SORCS1: variants seen among roughly 807,000 people sequenced by gnomAD.
SORCS1 encodes VPS10 domain-containing receptor SorCS1.
In SORCS1, 60 loss-of-function variants were observed where a neutral mutation model predicts 146.1. The ratio of observed to expected loss-of-function variants is 0.41; its 90% CI spans 0.33 to 0.51. The LOEUF (loss-of-function observed/expected upper bound fraction) is 0.51. Ranked by LOEUF, SORCS1 falls within the 20% of genes least tolerant of loss-of-function variation. The pLI, the probability that SORCS1 is intolerant of heterozygous loss-of-function variation, is 0.21. For missense variants in SORCS1, 1,352 were observed against 1,487.6 expected, an observed-to-expected ratio of 0.91 and a Z score of 1.50; for synonymous variants, 637 against 584.0, an observed-to-expected ratio of 1.09 and a Z score of -1.31.
At chr10:106,775,843 C>A (rs534180069) in intron 4 of SORCS1, among the ~76,000 whole-genome samples, 129 of 152,188 alleles carry the variant, frequency 8.5e-4, no homozygotes, top group African/African-American at 3.0e-3. Context: ...CCTGAGAAAG[C>A]AAGTTCCTTA....
intron 1 of SORCS1, among the ~76,000 whole-genome samples, chr10:106,965,816 C>A (rs1955467754): frequency 6.6e-6 from 1 of 152,176 alleles, no homozygotes; most frequent in Admixed American, 6.5e-5. Flanking sequence ...TATTGGAGCC[C>A]TGTTACCTGT....
chr10:107,106,700 G>A (rs1965332099), intron 1 of SORCS1, among the ~76,000 whole-genome samples: 1 of 151,962 alleles, frequency 6.6e-6, no homozygotes, highest in Non-Finnish European at 1.5e-5. Flanking sequence ...GTACTATATA[G>A]ACTGAATGTT....
chr10:106,824,941 A>G (rs748131499), intron 3 of SORCS1, among the ~76,000 whole-genome samples: 1 of 149,186 alleles, frequency 6.7e-6, no homozygotes, highest in Non-Finnish European at 1.5e-5. Flanking sequence ...AGAAAACATA[A>G]AGAACAAATA....
chr10:106,931,482 G>A (rs189860511), intron 2 of SORCS1, among the ~76,000 whole-genome samples: 1 of 152,262 alleles, frequency 6.6e-6, no homozygotes, highest in African/African-American at 2.4e-5. Flanking sequence ...ATAAGGACAG[G>A]AAACTGTTTC....
At chr10:106,581,152 T>A (rs1844881908) in intron 24 of SORCS1, among the ~76,000 whole-genome samples, 1 of 152,156 alleles carries the variant, frequency 6.6e-6, no homozygotes, top group African/African-American at 2.4e-5. Flanking sequence ...GAGAACACCT[T>A]CCATTTGTCA....
chr10:106,680,358 T>C (rs1852344513), intron 10 of SORCS1, among the ~76,000 whole-genome samples: 1 of 152,162 alleles, frequency 6.6e-6, no homozygotes, highest in African/African-American at 2.4e-5. Context: ...GCTGGGAGGA[T>C]TTTGAAAAAG....
chr10:106,926,657 A>C (rs1953037179), intron 2 of SORCS1, among the ~76,000 whole-genome samples: 1 of 152,198 alleles, frequency 6.6e-6, no homozygotes, highest in Non-Finnish European at 1.5e-5. Context: ...ACTAGAGTAT[A>C]AAGTCTCATC....
intron 19 of SORCS1, among the ~76,000 whole-genome samples, chr10:106,620,787 C>T (rs1189229677): frequency 1.3e-5 from 2 of 151,028 alleles, no homozygotes; most frequent in African/African-American, 2.5e-5. Context: ...AGTTCTAACA[C>T]CTGAGTTAGG....
At chr10:106,646,691 A>T (rs1393166597) in intron 18 of SORCS1, among the ~76,000 whole-genome samples, 1 of 151,828 alleles carries the variant, frequency 6.6e-6, no homozygotes, top group Non-Finnish European at 1.5e-5. Context: ...AGTGAGACTC[A>T]AAAAAAATAA....
intron 1 of SORCS1, among the ~76,000 whole-genome samples, chr10:107,137,500 G>C (rs1326417556): frequency 6.6e-6 from 1 of 152,138 alleles, no homozygotes; most frequent in Non-Finnish European, 1.5e-5. Flanking sequence ...TTCTGCAATA[G>C]TGTCAGTTAC....
intron 1 of SORCS1, among the ~76,000 whole-genome samples, chr10:107,112,439 T>G (rs1267648309): frequency 6.6e-6 from 1 of 150,860 alleles, no homozygotes; most frequent in African/African-American, 2.4e-5. Context: ...ATACAAAAAT[T>G]CAACAAATCA....
intron 1 of SORCS1, among the ~76,000 whole-genome samples, chr10:107,082,969 C>A (rs1295468617): frequency 6.6e-6 from 1 of 151,688 alleles, no homozygotes; most frequent in African/African-American, 2.4e-5. Context: ...ATTAGCCAGG[C>A]GTGGTGGCGG....
chr10:106,730,623 T>C (rs1049789437), intron 5 of SORCS1, among the ~76,000 whole-genome samples: 1 of 152,146 alleles, frequency 6.6e-6, no homozygotes, highest in African/African-American at 2.4e-5. Flanking sequence ...CTCTGTATTG[T>C]CGAACCCGTG....
At chr10:106,984,836 G>A (rs1176413922) in intron 1 of SORCS1, among the ~76,000 whole-genome samples, 2 of 152,028 alleles carry the variant, frequency 1.3e-5, no homozygotes, top group Non-Finnish European at 2.9e-5. Flanking sequence ...ATGGACACAG[G>A]AATATGATGA....
chr10:107,038,505 C>T (rs1290547024), intron 1 of SORCS1, among the ~76,000 whole-genome samples: 2 of 152,244 alleles, frequency 1.3e-5, no homozygotes, highest in African/African-American at 2.4e-5. Flanking sequence ...CAAACCTGCA[C>T]ATTGTGCGCA....
intron 1 of SORCS1, among the ~76,000 whole-genome samples, chr10:107,018,211 G>T (rs4917493): frequency 0.38 from 57,871 of 151,626 alleles, 11,331 homozygotes; most frequent in African/African-American, 0.46. Context: ...GTCCCGCTCC[G>T]TCGCCCAGGC....
intron 4 of SORCS1, among the ~76,000 whole-genome samples, chr10:106,767,042 G>T (rs567091321): frequency 1.1e-4 from 17 of 152,304 alleles, no homozygotes; most frequent in African/African-American, 4.1e-4. Flanking sequence ...TGAAGTGGAA[G>T]CTGGGGCTAC....
At chr10:106,779,968 T>C (rs1860765939) in intron 3 of SORCS1, among the ~76,000 whole-genome samples, 1 of 152,238 alleles carries the variant, frequency 6.6e-6, no homozygotes, top group Admixed American at 6.5e-5. Context: ...CTTATTATTT[T>C]AGTCTTAAAT....
intron 24 of SORCS1, among the ~76,000 whole-genome samples, chr10:106,579,920 G>T (rs890018687): frequency 4.6e-5 from 7 of 151,860 alleles, no homozygotes; most frequent in Non-Finnish European, 1.0e-4. Context: ...TTCTACTGCT[G>T]CTAGTATTAG....
Sources: gnomAD v4.1 joint callset for allele counts (sites outside exome capture counted in the v4.1 genomes callset) on GRCh38, gnomAD v4.1.1 for gene constraint, MANE v1.5 for transcripts, NCBI Gene and HGNC (gene_info 2026-07-23, HGNC 2026-07-21) for gene names.